Variants in ATP1A4 observed in about 807,000 individuals in gnomAD.
ATP1A4 encodes the protein ATPase Na+/K+ transporting subunit alpha 4, also known as sodium/potassium-transporting ATPase subunit alpha-4.
Under a neutral mutation model 114.3 loss-of-function variants are expected in ATP1A4, and 90 were observed. The observed-to-expected ratio is 0.79, with a 90% CI of 0.66 to 0.94. ATP1A4 has a LOEUF of 0.94. ATP1A4 is among the 40% of genes least tolerant of loss of function. ATP1A4 has a pLI of 0.00. For synonymous variants in ATP1A4, 511 were observed against 494.1 expected (o/e 1.03, Z -0.45); for missense variants, 1,222 against 1,313.6 (o/e 0.93, Z 1.08).
chr1:160,153,490 C>T (rs1210352896), intron 2 of ATP1A4, among the ~76,000 whole-genome samples: 1 of 152,190 alleles, frequency 6.6e-6, no homozygotes, highest in Non-Finnish European at 1.5e-5. Context: ...GTCTCCTTTA[C>T]ACTCTTAGAA....
intron 2 of ATP1A4, among the ~76,000 whole-genome samples, chr1:160,154,150 T>A (rs1652553785): frequency 6.6e-6 from 1 of 152,170 alleles, no homozygotes; most frequent in Non-Finnish European, 1.5e-5. Flanking sequence ...GGTCAGTAGT[T>A]GGAGACCAGC....
chr1:160,156,168 G>C lies in ATP1A4; in HGVS notation c.525+10G>C. The C allele has an allele frequency of 6.4e-7, 1 of 1,564,152 alleles. No individual in the cohort carries two copies. The highest frequency in any genetic ancestry group is 8.8e-7 in the Non-Finnish European group (1 of 1,134,646). On this transcript the variant is annotated intron_variant, in intron 4 of 21. Transcript: ENST00000368081. ...GAACATGGTGCCTCAGGTAGGATTGGAGTGGGAGGATCTAGTGGGAGCAGG... is the reference window on the plus strand; with the variant it reads ...GAACATGGTGCCTCAGGTAGGATTGCAGTGGGAGGATCTAGTGGGAGCAGG...
rs1280309947 is a variant in ATP1A4 at position 160,152,023 on chromosome 1, C to T, written c.-18C>T. 1.4e-5 allele frequency: 23 copies of T among 1,605,906 alleles called. No homozygotes were observed. The highest frequency in any genetic ancestry group is 2.0e-5 in the Non-Finnish European group (23 of 1,176,630). On this transcript the variant is annotated 5_prime_UTR_variant, in exon 1 of 22. Coordinates refer to ENST00000368081, the MANE Select transcript of ATP1A4 (RefSeq NM_144699.4). ...TCTTCCCACAGTTGAGCTCGGGCAG[C>T]TCTTTCTGGGGATAGCTATGGGGCT...
At chr1:160,153,786 T>C (rs1442919632) in intron 2 of ATP1A4, among the ~76,000 whole-genome samples, 2 of 152,220 alleles carry the variant, frequency 1.3e-5, no homozygotes, top group African/African-American at 4.8e-5. Flanking sequence ...GTTGTGATGT[T>C]ATGCCAGTTG....
At position 160,181,819 on chromosome 1, in the gene ATP1A4, A is replaced by G; in HGVS notation, c.2867+5A>G. 1 of 1,575,588 alleles carries G rather than the reference A, an allele frequency of 6.3e-7. No homozygotes were observed. Among genetic ancestry groups the G allele is most frequent in the South Asian group, 1.1e-5 (1 of 89,382 alleles). On this transcript the variant is annotated splice_donor_5th_base_variant and intron_variant, in intron 19 of 21. Transcript: ENST00000368081. ...ACTTTTCCAGCAGGGCATGAGGTGA[A>G]CATCTCACAAAACAGCCCAGCACTC...
chr1:160,176,447 G>A, intron 16 of ATP1A4, 32 bp from the exon 17 acceptor site: 1 of 1,613,456 alleles, frequency 6.2e-7, no homozygotes, highest in Non-Finnish European at 8.5e-7. Context: ...TGAACTTTGT[G>A]ACCCCTGTCA....
rs7528360 is a variant in ATP1A4, at chr1:160,171,661, G to A, written c.1758G>A (p.Met586Ile). ...ATACAGATGAAATAAATTTCCCCAT[G>A]GACAACCTTTGTTTTGTGGGCCTCA... Reference protein sequence around the residue: ...PFNTDEINFPMDNLCFVGLIS... With the variant: ...PFNTDEINFPIDNLCFVGLIS... The change falls in exon 12 of 22, where the codon ATG becomes ATA. Residue 586 changes from methionine (M) to isoleucine (I), a missense_variant. Transcript: ENST00000368081. 2.1e-3 allele frequency: 3,462 copies of A among 1,614,096 alleles called. 80 individuals are homozygous for A. In the African/African-American group the frequency reaches 0.041, roughly 19 times the overall value.
intron 3 of ATP1A4, 96 bp from the exon 4 acceptor site, chr1:160,155,949 C>A: frequency 1.3e-6 from 1 of 751,598 alleles, no homozygotes; most frequent in South Asian, 1.5e-5. Flanking sequence ...GTCTCTTACA[C>A]CTGGTGAAAC....
chr1:160,151,942 G>T lies in ATP1A4; in HGVS notation c.-99G>T. 2 of 1,381,798 alleles carry T rather than the reference G, an allele frequency of 1.4e-6. No homozygotes were observed. The highest frequency in any genetic ancestry group is 1.9e-6 in the Non-Finnish European group (2 of 1,028,816). The allele number at this position is 1,381,798 out of a possible 1,614,324, so 85.6% of individuals were successfully genotyped here. On this transcript the variant is annotated 5_prime_UTR_variant, in exon 1 of 22. Transcript: ENST00000368081. ...ATTCTCTCCCCACCACTCTCTTCTC[G>T]TGGCCCCCTTGCCCGCGCGCCCTCT...
intron 2 of ATP1A4, among the ~76,000 whole-genome samples, chr1:160,154,246 T>TG (rs1652556356): frequency 1.3e-5 from 2 of 151,892 alleles, no homozygotes; most frequent in Admixed American, 6.6e-5. Flanking sequence ...CTCAGCTACT[T>TG]GGGAGGCTGA....
intron 4 of ATP1A4, among the ~76,000 whole-genome samples, chr1:160,156,683 G>T (rs12096554): frequency 0.013 from 1,951 of 152,290 alleles, 32 homozygotes; most frequent in African/African-American, 0.044. Context: ...GTCTACATCT[G>T]TAGTCCAAGC....
At chr1:160,175,982 C>A (rs1259137628) in intron 15 of ATP1A4, 110 bp from the exon 16 acceptor site, 2 of 1,156,256 alleles carry the variant, frequency 1.7e-6, no homozygotes, top group South Asian at 1.4e-5. Context: ...ACCTCCAGAC[C>A]CTTTCCTGGA....
chr1:160,167,186 C>T lies in ATP1A4; in HGVS notation c.1357-92C>T, dbSNP rs999572249. 6 of 1,543,668 alleles carry T rather than the reference C, an allele frequency of 3.9e-6. No individual in the cohort carries two copies. The African/African-American group carries it at 4.1e-5, about 11-fold the overall frequency. On this transcript the variant is annotated intron_variant, in intron 9 of 21. Coordinates refer to ENST00000368081, the MANE Select transcript of ATP1A4 (RefSeq NM_144699.4). ...TAATTTCCCCCCAGGTACCCGCCCT[C>T]CCCATTTGTCCCCTCTCCATGTTGC... is the stretch of plus-strand genomic sequence containing the variant.
chr1:160,173,498 T>C (rs1653339604), intron 12 of ATP1A4, 83 bp from the exon 13 acceptor site: 1 of 1,546,378 alleles, frequency 6.5e-7, no homozygotes, highest in South Asian at 1.2e-5. Context: ...AAAGCAGTGG[T>C]CTGTCAGTTC....
At chr1:160,177,307 T>G in intron 17 of ATP1A4, 1 of 520,226 alleles carries the variant, frequency 1.9e-6, no homozygotes, top group Non-Finnish European at 3.4e-6. Flanking sequence ...TGGGTCAGAG[T>G]TTAGAAACAA....
chr1:160,153,099 C>T (rs781119769), intron 1 of ATP1A4, 66 bp from the exon 2 acceptor site: 84 of 1,292,470 alleles, frequency 6.5e-5, no homozygotes, highest in Non-Finnish European at 9.0e-5. Flanking sequence ...CAGTCTGTTT[C>T]TCCCCCTCTC....
At chr1:160,165,489 G>C (rs1285080684) in intron 7 of ATP1A4, among the ~76,000 whole-genome samples, 1 of 152,220 alleles carries the variant, frequency 6.6e-6, no homozygotes, top group African/African-American at 2.4e-5. Flanking sequence ...GCCGGGCGCG[G>C]TGGCTCACAC....
At chr1:160,180,763 G>A (rs1333137460) in intron 18 of ATP1A4, among the ~76,000 whole-genome samples, 3 of 126,196 alleles carry the variant, frequency 2.4e-5, no homozygotes, top group African/African-American at 6.2e-5. Context: ...CGCCCAGGCT[G>A]GAGTGCAGTG....
chr1:160,152,241 C>T, intron 1 of ATP1A4, 54 bp downstream of exon 1: 1 of 1,579,422 alleles, frequency 6.3e-7, no homozygotes, highest in South Asian at 1.2e-5. Context: ...CACTCCTCCA[C>T]CTATCTTTAA....
Sources: allele counts gnomAD v4.1 joint callset (sites outside exome capture counted in the v4.1 genomes callset), GRCh38; gene constraint gnomAD v4.1.1; transcripts MANE v1.5; gene names NCBI Gene and HGNC (gene_info 2026-07-23, HGNC 2026-07-21).